HERC2: variants seen among roughly 807,000 people sequenced by gnomAD.
HERC2 encodes HECT and RLD domain containing E3 ubiquitin protein ligase 2.
A neutral mutation model predicts 537.7 loss-of-function variants in HERC2; 102 were observed. That is an observed-to-expected ratio of 0.19 (90% CI 0.16 to 0.22). The LOEUF is 0.22. Ranked by LOEUF, HERC2 falls within the 10% of genes least tolerant of loss-of-function variation. The pLI is 1.00. For missense variants in HERC2, 4,236 were observed against 6,198.2 expected (o/e 0.68, Z 10.63); for synonymous variants, 2,224 against 2,466.2 (o/e 0.90, Z 2.91).
chr15:28,275,673 T>C (rs982653744), intron 5 of HERC2, among the ~76,000 whole-genome samples: 1 of 151,906 alleles, frequency 6.6e-6, no homozygotes, highest in Non-Finnish European at 1.5e-5. Context: ...AATGCATATA[T>C]AGGGGAGGCT....
At chr15:28,210,044 C>A (rs1014404676) in intron 44 of HERC2, among the ~76,000 whole-genome samples, 37 of 139,058 alleles carry the variant, frequency 2.7e-4, no homozygotes, top group Middle Eastern at 3.9e-3. Context: ...CACACTGCAA[C>A]CTCCGCCCCC....
At chr15:28,194,462 C>T (rs1025142816) in intron 52 of HERC2, among the ~76,000 whole-genome samples, 1 of 151,032 alleles carries the variant, frequency 6.6e-6, no homozygotes, top group Admixed American at 6.6e-5. Context: ...CGCAGCTACT[C>T]GGGAGGCTGA....
intron 23 of HERC2, among the ~76,000 whole-genome samples, chr15:28,243,209 A>G (rs535325847): frequency 6.6e-6 from 1 of 152,216 alleles, no homozygotes; most frequent in East Asian, 1.9e-4. Flanking sequence ...CAAAATGCCC[A>G]TGGAAAAAAA....
chr15:28,174,078 G>C (rs570117067), intron 65 of HERC2, among the ~76,000 whole-genome samples: 1 of 152,150 alleles, frequency 6.6e-6, no homozygotes, highest in East Asian at 1.9e-4. Context: ...GAATAAAGCT[G>C]TTAAAAAATA....
chr15:28,295,333 C>CGGGGGGGGGGGGGGGGGGG (rs2076438318), intron 3 of HERC2, among the ~76,000 whole-genome samples: 1 of 19,640 alleles, frequency 5.1e-5, no homozygotes, highest in African/African-American at 2.7e-4. Context: ...GGGGGGGAGG[C>CGGGGGGGGGGGGGGGGGGG]GGTGGGGGGG....
chr15:28,305,832 G>A (rs2141242513), intron 2 of HERC2, among the ~76,000 whole-genome samples: 1 of 150,150 alleles, frequency 6.7e-6, no homozygotes, highest in Admixed American at 6.7e-5. Context: ...AAATTTACAA[G>A]AAAAAAACAA....
Position 28,280,698 on chromosome 15 carries a change from A to C in HERC2, c.323-411T>G, listed in dbSNP as rs1001664720. ...GGCAGGTGGATCACTTGAGGTCAGG[A>C]GTTCGAGACCAGCCTGGCCAACATG... On this transcript the variant is annotated intron_variant, in intron 4 of 92. Transcript: ENST00000261609. 3.3e-5 allele frequency among the ~76,000 whole-genome samples: 5 copies of C among 152,284 alleles called. 1 individual carries two copies. Among genetic ancestry groups the C allele is most frequent in the African/African-American group, 1.2e-4 (5 of 41,556 alleles).
At chr15:28,293,627 C>T (rs1391046025) in intron 3 of HERC2, among the ~76,000 whole-genome samples, 2 of 152,110 alleles carry the variant, frequency 1.3e-5, no homozygotes, top group African/African-American at 4.8e-5. Context: ...ACTTCAATTT[C>T]ACACCAATTG....
chr15:28,253,421 C>T (rs894640580), intron 20 of HERC2, among the ~76,000 whole-genome samples: 7 of 152,178 alleles, frequency 4.6e-5, no homozygotes, highest in Non-Finnish European at 8.8e-5. Context: ...CATTTGCATC[C>T]ACCTGCTTAT....
Position 28,177,103 on chromosome 15 carries a change from G to T in HERC2, c.9279C>A (p.Ile3093=). The T allele has an allele frequency of 6.2e-7, 1 of 1,613,332 alleles. No homozygotes were observed. The highest frequency in any genetic ancestry group is 8.5e-7 in the Non-Finnish European group (1 of 1,179,446). Residue 3093 remains isoleucine (I), a synonymous_variant, in exon 61 of 93, where the codon ATC becomes ATA. Coordinates refer to ENST00000261609, the MANE Select transcript of HERC2 (RefSeq NM_004667.6). The surrounding 1 kb of genome is among the most constrained non-coding windows in gnomAD (Gnocchi z 5.0). ...GGATACGCTTGGTTTTCAGGGCCTCGATCAGCCTTGGTTTGTCACAGTTCC... is the reference window on the plus strand; with the variant it reads ...GGATACGCTTGGTTTTCAGGGCCTCTATCAGCCTTGGTTTGTCACAGTTCC... ...SRMNCDKPRL[I]EALKTKRIRD...
chr15:28,309,148 A>C (rs10852221), intron 2 of HERC2, among the ~76,000 whole-genome samples: 14,813 of 151,348 alleles, frequency 0.098, 2 homozygotes, highest in East Asian at 0.43. Context: ...ATCAGATGAA[A>C]TGTTCTAGAA....
chr15:28,122,504 C>T lies in HERC2; in HGVS notation c.13189-1075G>A, dbSNP rs972280339. Among the ~76,000 whole-genome samples the T allele has an allele frequency of 2.0e-4, 30 of 152,136 alleles. No individual in the cohort carries two copies. Among genetic ancestry groups the T allele is most frequent in the African/African-American group, 7.2e-4 (30 of 41,438 alleles). ...AGGAGACCCAGAAAGGGTATCCTGG[C>T]GGCACCCCAGCCCCATGCCTCTCGC... On this transcript the variant is annotated intron_variant, in intron 85 of 92. Coordinates refer to ENST00000261609, the MANE Select transcript of HERC2 (RefSeq NM_004667.6). The surrounding 1 kb of genome is among the most constrained non-coding windows in gnomAD (Gnocchi z 4.1).
At chr15:28,203,685 G>A (rs1226010964) in intron 45 of HERC2, 1 of 152,012 alleles carries the variant, frequency 6.6e-6, no homozygotes, top group Non-Finnish European at 1.5e-5. Flanking sequence ...TGCAGGGGCT[G>A]GGGTCCCGGC....
rs1257162631 is a variant in HERC2 at position 28,213,761 on chromosome 15, G to C, written c.6767C>G (p.Pro2256Arg). The C allele has an allele frequency of 6.2e-7, 1 of 1,613,774 alleles. No homozygotes were observed. Reference protein sequence around the residue: ...FSDMRTCRVCPLNQLKPLPAV... With the variant: ...FSDMRTCRVCRLNQLKPLPAV... ...ACCTACTGGTTTCAGCTGATTCAAT[G>C]GGCAAACGCGACACGTCCGCATGTC... The change falls in exon 42 of 93, where the codon CCA becomes CGA. Residue 2256 changes from proline to arginine, a missense_variant. This residue lies in a region of HERC2 where 67 missense variants were observed against 140.1 expected (regional missense o/e 0.48). Coordinates refer to ENST00000261609, the MANE Select transcript of HERC2 (RefSeq NM_004667.6).
rs928472586 is a variant in HERC2, at chr15:28,192,221, T to G, written c.8261-70A>C. The G allele has an allele frequency of 6.8e-6, 9 of 1,314,654 alleles. No individual in the cohort carries two copies. In the African/African-American group the frequency reaches 1.2e-4, roughly 17 times the overall value. 81.4% of individuals were successfully genotyped at this position (1,314,654 alleles called of 1,614,324 possible). On this transcript the variant is annotated intron_variant, in intron 52 of 92. Coordinates refer to ENST00000261609, the MANE Select transcript of HERC2 (RefSeq NM_004667.6). ...GGGAGAAACATCATGATCAAGAATA[T>G]TACATAGTAAGGAGCTTCTTAAAGA...
intron 16 of HERC2, among the ~76,000 whole-genome samples, chr15:28,257,964 G>T (rs900706640): frequency 6.6e-6 from 1 of 151,838 alleles, no homozygotes; most frequent in African/African-American, 2.4e-5. Flanking sequence ...AATTACAAGC[G>T]TGAGCCACCG....
intron 4 of HERC2, among the ~76,000 whole-genome samples, chr15:28,281,852 C>G (rs2076027498): frequency 6.6e-6 from 1 of 152,120 alleles, no homozygotes; most frequent in African/African-American, 2.4e-5. Flanking sequence ...TAAGCCCTTC[C>G]TGAAGAGTCA....
At chr15:28,209,940 C>CTTTTTTTTTT (rs1164101918) in intron 44 of HERC2, among the ~76,000 whole-genome samples, 1 of 77,344 alleles carries the variant, frequency 1.3e-5, no homozygotes, top group African/African-American at 5.3e-5. Flanking sequence ...AATACATTAT[C>CTTTTTTTTTT]TTTTTTTTTT....
At chr15:28,236,399 T>G (rs924347303) in intron 26 of HERC2, among the ~76,000 whole-genome samples, 6 of 151,984 alleles carry the variant, frequency 3.9e-5, no homozygotes, top group Non-Finnish European at 8.8e-5. Context: ...CAAGCAATTC[T>G]CCTACCTCAG....
Sources: gnomAD v4.1 joint callset for allele counts (sites outside exome capture counted in the v4.1 genomes callset) on GRCh38, gnomAD v4.1.1 for gene constraint, gnomAD v4.1.1 regional missense constraint, Gnocchi (gnomAD v3.1) non-coding constraint, MANE v1.5 for transcripts, NCBI Gene and HGNC (gene_info 2026-07-23, HGNC 2026-07-21) for gene names.